Variants in ZBED5 observed in about 807,000 individuals in gnomAD.
ZBED5 encodes the protein zinc finger BED-type containing 5.
In ZBED5, 29 loss-of-function variants were observed where a neutral mutation model predicts 49.2. The observed-to-expected ratio is 0.59, with a 90% CI of 0.44 to 0.80. The LOEUF is 0.80. Ranked by LOEUF, ZBED5 falls within the 30% of genes least tolerant of loss-of-function variation. The pLI is 0.00. For missense variants in ZBED5, 775 were observed against 812.9 expected, an observed-to-expected ratio of 0.95 and a Z score of 0.57; for synonymous variants, 281 against 292.5, an observed-to-expected ratio of 0.96 and a Z score of 0.40.
rs1282644090 is a variant in ZBED5 at position 10,855,525 on chromosome 11, T to C, written c.-141-439A>G. On this transcript the variant is annotated intron_variant, in intron 2 of 2. Coordinates refer to ENST00000413761, the MANE Select transcript of ZBED5 (RefSeq NM_001143667.2). This position sits in a 1 kb window ranked among gnomAD's most constrained non-coding sequence, Gnocchi z 4.1. ...TGGGCCATAATTTATCAGCCCTGTCTCATGGTATGTAGTATTGTGAAATCT... is the reference window on the plus strand; with the variant it reads ...TGGGCCATAATTTATCAGCCCTGTCCCATGGTATGTAGTATTGTGAAATCT... 6.6e-6 allele frequency: 1 copy of C among 152,468 alleles called. No individual in the cohort carries two copies. The highest frequency in any genetic ancestry group is 1.5e-5 in the Non-Finnish European group (1 of 68,256). 9.4% of individuals were successfully genotyped at this position (152,468 alleles called of 1,614,324 possible).
In ZBED5 at chr11:10,853,769, C is replaced by CT; in HGVS notation, c.1176dup (p.Asp393ArgfsTer11). Reference sequence around the variant, plus strand: ...TAATTGATGATTTGTACTGCCTGGTCTAGCACATTTTTTAGAGATGTAGGC... The same window carrying CT: ...TAATTGATGATTTGTACTGCCTGGTCTTAGCACATTTTTTAGAGATGTAGGC... On this transcript the variant is annotated frameshift_variant, in exon 3 of 3. Coordinates refer to ENST00000413761, the MANE Select transcript of ZBED5 (RefSeq NM_001143667.2). LOFTEE classifies it high-confidence loss of function. This position sits in a 1 kb window ranked among gnomAD's most constrained non-coding sequence, Gnocchi z 5.4. The CT allele has an allele frequency of 6.4e-7, 1 of 1,551,572 alleles. No individual in the cohort carries two copies. The highest frequency in any genetic ancestry group is 1.2e-5 in the South Asian group (1 of 84,054).
In ZBED5 at chr11:10,854,515, A is replaced by G. The variant is rs1261037957; in HGVS notation, c.431T>C (p.Leu144Ser). ...LCKKILSNSS[L>S]APSKLRRHLE... is the part of the protein sequence containing the mutation. ...ATGTCTTCGAAGCTTACTAGGGGCT[A>G]AAGAGCTATTTGATAAAATTTTCTT... The change falls in exon 3 of 3, where the codon TTA becomes TCA. Residue 144 changes from leucine (L) to serine (S), a missense_variant. Coordinates refer to ENST00000413761, the MANE Select transcript of ZBED5 (RefSeq NM_001143667.2). The surrounding 1 kb of genome is among the most constrained non-coding windows in gnomAD (Gnocchi z 5.0). 2 of 1,551,580 alleles carry G rather than the reference A, an allele frequency of 1.3e-6. No individual in the cohort carries two copies. Among genetic ancestry groups the G allele is most frequent in the Middle Eastern group, 1.7e-4 (1 of 5,990 alleles).
Position 10,852,955 on chromosome 11 carries a change from G to T in ZBED5, c.1991C>A (p.Ala664Asp). 6.4e-7 allele frequency: 1 copy of T among 1,551,602 alleles called. No individual in the cohort carries two copies. The change falls in exon 3 of 3, where the codon GCT becomes GAT. Residue 664 changes from alanine to aspartate, a missense_variant. Coordinates refer to ENST00000413761, the MANE Select transcript of ZBED5 (RefSeq NM_001143667.2). ...AAGTCGGATTCGCATATGAGGTGCAGCATCAAGTCTTTTCCTATATTTTGT... is the reference window on the plus strand; with the variant it reads ...AAGTCGGATTCGCATATGAGGTGCATCATCAAGTCTTTTCCTATATTTTGT... ...TKTKYRKRLD[A>D]APHMRIRLSN...
Position 10,853,384 on chromosome 11 carries a change from T to C in ZBED5, c.1562A>G (p.Glu521Gly), listed in dbSNP as rs528101243. 6.4e-7 allele frequency: 1 copy of C among 1,551,102 alleles called. No homozygotes were observed. Among genetic ancestry groups the C allele is most frequent in the South Asian group, 1.2e-5 (1 of 83,948 alleles). ...TGTAGGAAAACAATCAAAGTTTTCT[T>C]CTTCTACAGATGAGGCCCAAAATTC... ...KLEFWASSVEEENFDCFPTLS... is the reference protein window; with the variant it reads ...KLEFWASSVEGENFDCFPTLS... The change falls in exon 3 of 3, where the codon GAA becomes GGA. Residue 521 changes from glutamate to glycine, a missense_variant. By Grantham distance (98) the Glu-to-Gly change is moderately conservative (BLOSUM62 -2). Transcript: ENST00000413761. This position sits in a 1 kb window ranked among gnomAD's most constrained non-coding sequence, Gnocchi z 5.4.
In ZBED5 at chr11:10,854,492, G is replaced by A; in HGVS notation, c.454C>T (p.His152Tyr). Residue 152 changes from histidine (H) to tyrosine (Y), a missense_variant, in exon 3 of 3, where the codon CAT becomes TAT. Physicochemically the swap from His to Tyr is moderately conservative, Grantham distance 83. Coordinates refer to ENST00000413761, the MANE Select transcript of ZBED5 (RefSeq NM_001143667.2). This position sits in a 1 kb window ranked among gnomAD's most constrained non-coding sequence, Gnocchi z 5.0. ...TATGCAGCATGTTTAGTTTCCAAAT[G>A]TCTTCGAAGCTTACTAGGGGCTAAA... ...SSLAPSKLRR[H>Y]LETKHAAYKD... 1 of 1,551,436 alleles carries A rather than the reference G, an allele frequency of 6.4e-7. No individual in the cohort carries two copies. Among genetic ancestry groups the A allele is most frequent in the Non-Finnish European group, 8.7e-7 (1 of 1,146,892 alleles).
chr11:10,854,481 A>C lies in ZBED5; in HGVS notation c.465T>G (p.Thr155=), dbSNP rs1848153366. Residue 155 remains threonine, a synonymous_variant, in exon 3 of 3, where the codon ACT becomes ACG. Coordinates refer to ENST00000413761, the MANE Select transcript of ZBED5 (RefSeq NM_001143667.2). This position sits in a 1 kb window ranked among gnomAD's most constrained non-coding sequence, Gnocchi z 5.0. The part of the protein sequence containing the change: ...APSKLRRHLE[T]KHAAYKDKDI... ...CTTTGTCTTTATATGCAGCATGTTT[A>C]GTTTCCAAATGTCTTCGAAGCTTAC... 1 of 1,551,520 alleles carries C rather than the reference A, an allele frequency of 6.4e-7. No individual in the cohort carries two copies. The highest frequency in any genetic ancestry group is 2.0e-5 in the Admixed American group (1 of 50,988).
rs1848142559 is a variant in ZBED5, at chr11:10,854,023, C to T, written c.923G>A (p.Cys308Tyr). 1 of 1,551,324 alleles carries T rather than the reference C, an allele frequency of 6.4e-7. No homozygotes were observed. The highest frequency in any genetic ancestry group is 2.0e-5 in the Admixed American group (1 of 50,954). The change falls in exon 3 of 3, where the codon TGT (cysteine) becomes TAT (tyrosine). Residue 308 changes from cysteine to tyrosine, a missense_variant. By Grantham distance (194) the Cys-to-Tyr change is radical. Coordinates refer to ENST00000413761, the MANE Select transcript of ZBED5 (RefSeq NM_001143667.2). This position sits in a 1 kb window ranked among gnomAD's most constrained non-coding sequence, Gnocchi z 5.0. ...NKSIEEDLLL[C>Y]ESLQSNATGE... ...GGTAGCATTACTTTGCAAAGATTCA[C>T]ACAGGAGTAGGTCTTCCTCAATAGA...
At chr11:10,856,484 C>T (rs1241293309) in intron 1 of ZBED5, among the ~76,000 whole-genome samples, 2 of 152,188 alleles carry the variant, frequency 1.3e-5, no homozygotes, top group Non-Finnish European at 2.9e-5. Flanking sequence ...CACCTACTGA[C>T]TTCATAGAAA....
Position 10,854,797 on chromosome 11 carries a change from T to G in ZBED5, c.149A>C (p.Glu50Ala), listed in dbSNP as rs1439541963. The change falls in exon 3 of 3, where the codon GAA (glutamate) becomes GCA (alanine). Residue 50 changes from glutamate (E) to alanine (A), a missense_variant. Coordinates refer to ENST00000413761, the MANE Select transcript of ZBED5 (RefSeq NM_001143667.2). This position sits in a 1 kb window ranked among gnomAD's most constrained non-coding sequence, Gnocchi z 5.0. The stretch of plus-strand genomic sequence containing the variant: ...AGACACAATCTGATAACAGAAAGAT[T>G]CCACTTCTTGTTTAAGACTTCCTTG... ...LKQGSLKQEV[E>A]SFCYQIVSES... 6.4e-7 allele frequency: 1 copy of G among 1,552,094 alleles called. No homozygotes were observed. The highest frequency in any genetic ancestry group is 2.4e-5 in the East Asian group (1 of 40,904).
chr11:10,853,761 T>A lies in ZBED5; in HGVS notation c.1185A>T (p.Ala395=), dbSNP rs1203528424. The change falls in exon 3 of 3, where the codon GCA becomes GCT. Residue 395 remains alanine, a synonymous_variant. Coordinates refer to ENST00000413761, the MANE Select transcript of ZBED5 (RefSeq NM_001143667.2). This position sits in a 1 kb window ranked among gnomAD's most constrained non-coding sequence, Gnocchi z 5.4. ...PTSLKNVLDQ[A]VQIINYIKAR... ...CTTTAATATAATTGATGATTTGTAC[T>A]GCCTGGTCTAGCACATTTTTTAGAG... The A allele has an allele frequency of 6.4e-7, 1 of 1,551,504 alleles. No homozygotes were observed. Among genetic ancestry groups the A allele is most frequent in the East Asian group, 2.4e-5 (1 of 40,930 alleles).
Position 10,855,132 on chromosome 11 carries a change from T to A in ZBED5, c.-141-46A>T. On this transcript the variant is annotated intron_variant, in intron 2 of 2. Coordinates refer to ENST00000413761, the MANE Select transcript of ZBED5 (RefSeq NM_001143667.2). The surrounding 1 kb of genome is among the most constrained non-coding windows in gnomAD (Gnocchi z 4.1). ...TAAAAATAAAAGCTATAGAAATGAG[T>A]TTAGCAGTCTTAATCTCATATTTAA... 3 of 635,730 alleles carry A rather than the reference T, an allele frequency of 4.7e-6. No homozygotes were observed. Among genetic ancestry groups the A allele is most frequent in the Non-Finnish European group, 5.1e-6 (2 of 393,840 alleles). 39.4% of individuals were successfully genotyped at this position (635,730 alleles called of 1,614,324 possible). A position where few individuals can be genotyped will look rare whatever the true frequency, so the allele number is the denominator to read the frequency against.
rs1848198303 is a variant in ZBED5, at chr11:10,857,428, G to A, written c.-256+434C>T. ...AATACCCTCAGGGTCAGGAGGACAG[G>A]ATCTGAGTGCAGGCCAGCCAAAAAG... On this transcript the variant is annotated intron_variant, in intron 1 of 2. Coordinates refer to ENST00000413761, the MANE Select transcript of ZBED5 (RefSeq NM_001143667.2). This position sits in a 1 kb window ranked among gnomAD's most constrained non-coding sequence, Gnocchi z 6.3. 1 of 152,294 alleles carries A rather than the reference G, an allele frequency of 6.6e-6. No homozygotes were observed. The highest frequency in any genetic ancestry group is 1.5e-5 in the Non-Finnish European group (1 of 68,140). 9.4% of individuals were successfully genotyped at this position (152,294 alleles called of 1,614,324 possible). A position where few individuals can be genotyped will look rare whatever the true frequency, so the allele number is the denominator to read the frequency against.
chr11:10,853,717 C>T lies in ZBED5; in HGVS notation c.1229G>A (p.Arg410Lys). 1 of 1,551,600 alleles carries T rather than the reference C, an allele frequency of 6.4e-7. No individual in the cohort carries two copies. Among genetic ancestry groups the T allele is most frequent in the Non-Finnish European group, 8.7e-7 (1 of 1,146,936 alleles). Residue 410 changes from arginine (R) to lysine (K), a missense_variant, in exon 3 of 3, where the codon AGA becomes AAA. Physicochemically the swap from Arg to Lys is conservative, Grantham distance 26. Coordinates refer to ENST00000413761, the MANE Select transcript of ZBED5 (RefSeq NM_001143667.2). The surrounding 1 kb of genome is among the most constrained non-coding windows in gnomAD (Gnocchi z 5.4). ...NYIKARPHQS[R>K]LLKILCEEMG... ...TTCCTCACATAAAATTTTTAATAGT[C>T]TGGATTGATGTGGTCGAGCTTTAAT...
chr11:10,853,749 G>A lies in ZBED5; in HGVS notation c.1197C>T (p.Ile399=). ...GATGTGGTCGAGCTTTAATATAATT[G>A]ATGATTTGTACTGCCTGGTCTAGCA... ...KNVLDQAVQI[I]NYIKARPHQS... The change falls in exon 3 of 3, where the codon ATC becomes ATT. Residue 399 remains isoleucine (I), a synonymous_variant. Coordinates refer to ENST00000413761, the MANE Select transcript of ZBED5 (RefSeq NM_001143667.2). The surrounding 1 kb of genome is among the most constrained non-coding windows in gnomAD (Gnocchi z 5.4). 1 of 1,551,582 alleles carries A rather than the reference G, an allele frequency of 6.4e-7. No homozygotes were observed. Among genetic ancestry groups the A allele is most frequent in the Non-Finnish European group, 8.7e-7 (1 of 1,146,934 alleles).
chr11:10,854,823 T>C lies in ZBED5; in HGVS notation c.123A>G (p.Lys41=). 10 of 1,552,106 alleles carry C rather than the reference T, an allele frequency of 6.4e-6. No homozygotes were observed. The highest frequency in any genetic ancestry group is 8.7e-6 in the Non-Finnish European group (10 of 1,147,024). ...CCACTTCTTGTTTAAGACTTCCTTG[T>C]TTCAGCAACAGATCCATGGGCAATG... is the stretch of plus-strand genomic sequence containing the variant. ...TNSLPMDLLL[K]QGSLKQEVES... is the part of the protein sequence containing the mutation. The change falls in exon 3 of 3, where the codon AAA becomes AAG. Residue 41 remains lysine, a synonymous_variant. Transcript: ENST00000413761. This position sits in a 1 kb window ranked among gnomAD's most constrained non-coding sequence, Gnocchi z 5.0.
At position 10,857,947 on chromosome 11, in the gene ZBED5, CAG is replaced by C. The variant is rs1482579361; in HGVS notation, c.-343_-342del. 5.5e-6 allele frequency: 1 copy of C among 181,508 alleles called. No homozygotes were observed. Among genetic ancestry groups the C allele is most frequent in the East Asian group, 1.4e-4 (1 of 7,192 alleles). The allele number at this position is 181,508 out of a possible 1,614,324, so 11.2% of individuals were successfully genotyped here. A position where few individuals can be genotyped will look rare whatever the true frequency, so the allele number is the denominator to read the frequency against. On this transcript the variant is annotated 5_prime_UTR_variant, in exon 1 of 3. Transcript: ENST00000413761. This position sits in a 1 kb window ranked among gnomAD's most constrained non-coding sequence, Gnocchi z 6.3. Reference sequence around the variant, plus strand: ...AGAGGGAGGGGAATGAAAAACAAAACAGAGAGGAAAGAAGGATTCGGGGACAG... The same window carrying C: ...AGAGGGAGGGGAATGAAAAACAAAACAGAGGAAAGAAGGATTCGGGGACAG...
rs545851869 is a variant in ZBED5, at chr11:10,852,824, T to C, written c.*40A>G. ...AAGTAAATCATCTTTTATTTTCATC[T>C]TACATTTGGTTATCATGAGACATGC... On this transcript the variant is annotated 3_prime_UTR_variant, in exon 3 of 3. Coordinates refer to ENST00000413761, the MANE Select transcript of ZBED5 (RefSeq NM_001143667.2). 6 of 1,446,908 alleles carry C rather than the reference T, an allele frequency of 4.1e-6. No homozygotes were observed. In the East Asian group the frequency reaches 1.5e-4, roughly 36 times the overall value. The allele number at this position is 1,446,908 out of a possible 1,614,324, so 89.6% of individuals were successfully genotyped here.
In ZBED5 at chr11:10,853,358, G is replaced by A; in HGVS notation, c.1588C>T (p.Leu530Phe). Residue 530 changes from leucine (L) to phenylalanine (F), a missense_variant, in exon 3 of 3, where the codon CTC becomes TTC. Physicochemically the swap from Leu to Phe is conservative, Grantham distance 22. Coordinates refer to ENST00000413761, the MANE Select transcript of ZBED5 (RefSeq NM_001143667.2). This position sits in a 1 kb window ranked among gnomAD's most constrained non-coding sequence, Gnocchi z 5.4. The stretch of plus-strand genomic sequence containing the variant: ...TTAATTTCAGTCAAAAAATCACTGA[G>A]TGTAGGAAAACAATCAAAGTTTTCT... ...EEENFDCFPT[L>F]SDFLTEINST... is the part of the protein sequence containing the mutation. The A allele has an allele frequency of 5.2e-6, 8 of 1,551,488 alleles. No individual in the cohort carries two copies. The highest frequency in any genetic ancestry group is 1.2e-5 in the South Asian group (1 of 84,038).
chr11:10,856,200 T>C lies in ZBED5; in HGVS notation c.-198A>G, dbSNP rs947290637. ...CTCTCTCCACCTTGGCAGCTTGAAA[T>C]GCACTCTTCAAAAGAATAAAATTAA... On this transcript the variant is annotated 5_prime_UTR_variant, in exon 2 of 3. Coordinates refer to ENST00000413761, the MANE Select transcript of ZBED5 (RefSeq NM_001143667.2). 2.0e-5 allele frequency: 3 copies of C among 152,046 alleles called. No homozygotes were observed. The highest frequency in any genetic ancestry group is 3.9e-4 in the East Asian group (2 of 5,182). The allele number at this position is 152,046 out of a possible 1,614,324, so 9.4% of individuals were successfully genotyped here. A position where few individuals can be genotyped will look rare whatever the true frequency, so the allele number is the denominator to read the frequency against.
Sources: gnomAD v4.1 joint callset for allele counts (sites outside exome capture counted in the v4.1 genomes callset) on GRCh38, gnomAD v4.1.1 for gene constraint, Gnocchi (gnomAD v3.1) non-coding constraint, MANE v1.5 for transcripts, NCBI Gene and HGNC (gene_info 2026-07-23, HGNC 2026-07-21) for gene names.